Variants in TMPRSS9 observed in about 807,000 individuals in gnomAD.
The protein encoded by TMPRSS9 is transmembrane serine protease 9.
Under a neutral mutation model 111.4 loss-of-function variants are expected in TMPRSS9, and 113 were observed. That is an observed-to-expected ratio of 1.01 (90% CI 0.87 to 1.19). The LOEUF is 1.19. TMPRSS9 is among the 50% of genes most tolerant of loss of function. The pLI, the probability that TMPRSS9 is intolerant of heterozygous loss-of-function variation, is 0.00. For missense variants in TMPRSS9, 1,803 were observed against 1,513.1 expected, an observed-to-expected ratio of 1.19 and a Z score of -3.18; for synonymous variants, 805 against 659.1, an observed-to-expected ratio of 1.22 and a Z score of -3.39.
At chr19:2,362,048 A>G (rs56309901) in intron 1 of TMPRSS9, among the ~76,000 whole-genome samples, 23,893 of 151,346 alleles carry the variant, frequency 0.16, 2,484 homozygotes, top group African/African-American at 0.29. Context: ...AATATATATA[A>G]TTGTGTCTGT....
chr19:2,405,792 G>T (rs1402210160), intron 7 of TMPRSS9, among the ~76,000 whole-genome samples: 1 of 147,222 alleles, frequency 6.8e-6, no homozygotes, highest in African/African-American at 2.5e-5. Flanking sequence ...TGCAAGCTCC[G>T]CCTCCTGGGT....
chr19:2,365,765 G>A (rs1225108782), intron 1 of TMPRSS9, among the ~76,000 whole-genome samples: 2 of 152,016 alleles, frequency 1.3e-5, no homozygotes, highest in African/African-American at 4.8e-5. Flanking sequence ...AGGAAGTTGA[G>A]ACCAGCTGGG....
At position 2,371,723 on chromosome 19, in the gene TMPRSS9, AAAC is replaced by A. The variant is rs202156084; in HGVS notation, c.-26+11366_-26+11368del. ...AAACAACAAAACCAAGAAAAAAAAA[AAAC>A]AAAACTAGAATAGCCTTGAGCAAAC... On this transcript the variant is annotated intron_variant, in intron 1 of 17. Coordinates refer to the TMPRSS9 transcript ENST00000649857. 1.1e-3 allele frequency among the ~76,000 whole-genome samples: 160 copies of A among 144,390 alleles called. 2 individuals carry two copies. Among genetic ancestry groups the A allele is most frequent in the East Asian group, 3.2e-3 (15 of 4,618 alleles). The allele number at this position is 144,390 out of a possible 152,430, so 94.7% of individuals were successfully genotyped here.
At chr19:2,372,030 C>T (rs1460910875) in intron 1 of TMPRSS9, among the ~76,000 whole-genome samples, 1 of 152,168 alleles carries the variant, frequency 6.6e-6, no homozygotes, top group East Asian at 1.9e-4. Context: ...CGCCACCATG[C>T]CCGGCTAAAT....
At chr19:2,363,517 G>T (rs981672164) in intron 1 of TMPRSS9, among the ~76,000 whole-genome samples, 7 of 151,452 alleles carry the variant, frequency 4.6e-5, no homozygotes, top group Admixed American at 2.0e-4. Flanking sequence ...GTGGGGGGGT[G>T]GGGGGACAGG....
chr19:2,387,047 C>A (rs890311756), upstream of TMPRSS9, among the ~76,000 whole-genome samples: 2 of 151,432 alleles, frequency 1.3e-5, no homozygotes, highest in Middle Eastern at 3.4e-3. Context: ...GTAGCAAGAT[C>A]CCCTCTCCAC....
chr19:2,416,577 G>T (rs774948901), exon 12 of TMPRSS9: 1 of 1,611,492 alleles, frequency 6.2e-7, no homozygotes, highest in African/African-American at 1.3e-5. Context: ...TGGGCACTGC[G>T]TCCCTCCTGG....
exon 13 of TMPRSS9, chr19:2,418,034 G>A (rs774953473): frequency 2.2e-5 from 36 of 1,612,136 alleles, no homozygotes; most frequent in Non-Finnish European, 3.0e-5. Flanking sequence ...GAAGGCGTCC[G>A]TGGGCATCAT....
At chr19:2,411,884 A>T (rs546331799) in intron 9 of TMPRSS9, among the ~76,000 whole-genome samples, 3 of 152,122 alleles carry the variant, frequency 2.0e-5, no homozygotes. Flanking sequence ...AAGGTGTCTC[A>T]TTCTTTCTTC....
At chr19:2,379,615 C>CTTTCTTTCTA (rs1555676512) in intron 1 of TMPRSS9, among the ~76,000 whole-genome samples, 1 of 118,510 alleles carries the variant, frequency 8.4e-6, no homozygotes, top group African/African-American at 3.2e-5. Context: ...AACTTTCTTT[C>CTTTCTTTCTA]TCTTTCTTTC....
chr19:2,361,895 G>T (rs909779902), intron 1 of TMPRSS9, among the ~76,000 whole-genome samples: 1 of 152,294 alleles, frequency 6.6e-6, no homozygotes, highest in African/African-American at 2.4e-5. Context: ...TGCCCCGCAG[G>T]ACACCTGTGG....
At position 2,414,941 on chromosome 19, in the gene TMPRSS9, AT is replaced by A. The variant is rs909082554; in HGVS notation, c.1574-710del. On this transcript the variant is annotated intron_variant, in intron 10 of 17. Coordinates refer to ENST00000648592, the Ensembl canonical transcript of TMPRSS9. ...TCCAAAAACTGTTAGTTGCATTCCT[AT>A]TTTTTTTTTTTTTTTTTTCTGAGAC... is the stretch of plus-strand genomic sequence containing the variant. Among the ~76,000 whole-genome samples, 320 of 127,126 alleles carry A rather than the reference AT, an allele frequency of 2.5e-3. 1 individual carries two copies. Among genetic ancestry groups the A allele is most frequent in the East Asian group, 6.9e-3 (30 of 4,342 alleles). The allele number at this position is 127,126 out of a possible 152,430, so 83.4% of individuals were successfully genotyped here.
At chr19:2,425,653 C>T (rs1971604562) in intron 17 of TMPRSS9, 160 bp downstream of exon 18, 4 of 1,343,680 alleles carry the variant, frequency 3.0e-6, no homozygotes, top group African/African-American at 3.1e-5. Flanking sequence ...AATTTCCACT[C>T]CACAGCCGTT....
intron 7 of TMPRSS9, among the ~76,000 whole-genome samples, 161 bp downstream of exon 8, chr19:2,405,706 C>CTTTT (rs10608410): frequency 7.4e-6 from 1 of 135,844 alleles, no homozygotes; most frequent in Non-Finnish European, 1.6e-5. Flanking sequence ...TGAGGGCATT[C>CTTTT]TTTTTTTTTT....
chr19:2,399,214 G>A (rs766435662), intron 4 of TMPRSS9, 21 bp downstream of exon 5: 37 of 1,560,166 alleles, frequency 2.4e-5, no homozygotes, highest in Non-Finnish European at 2.9e-5. Flanking sequence ...AGCCGAGACC[G>A]AAACCCCATC....
At chr19:2,406,786 AT>A in intron 7 of TMPRSS9, among the ~76,000 whole-genome samples, 1 of 150,084 alleles carries the variant, frequency 6.7e-6, no homozygotes, top group South Asian at 2.1e-4. Flanking sequence ...TTTTTAAAAT[AT>A]TCTGTCGTGA....
At chr19:2,414,096 C>G in intron 10 of TMPRSS9, 78 bp downstream of exon 11, 1 of 1,399,468 alleles carries the variant, frequency 7.1e-7, no homozygotes, top group East Asian at 2.5e-5. Context: ...GTCATAGTAT[C>G]TTCATAATTT....
intron 1 of TMPRSS9, among the ~76,000 whole-genome samples, chr19:2,381,005 C>G (rs1234783285): frequency 6.6e-6 from 1 of 152,030 alleles, no homozygotes; most frequent in Non-Finnish European, 1.5e-5. Context: ...ATCAAAGACC[C>G]CTGTACACAG....
exon 10 of TMPRSS9, chr19:2,413,872 T>C: frequency 5.6e-6 from 9 of 1,613,650 alleles, no homozygotes; most frequent in Non-Finnish European, 7.6e-6. Flanking sequence ...AGCATGCCTC[T>C]GGCCCCCACC....
Sources: gnomAD v4.1 joint callset for allele counts (sites outside exome capture counted in the v4.1 genomes callset) on GRCh38, gnomAD v4.1.1 for gene constraint, MANE v1.5 for transcripts, NCBI Gene and HGNC (gene_info 2026-07-23, HGNC 2026-07-21) for gene names.